Variants in FBXO25 observed in about 807,000 individuals in gnomAD.
FBXO25 encodes the protein F-box protein 25, also known as F-box only protein 25.
In FBXO25, 45 loss-of-function variants were observed where a neutral mutation model predicts 51.9. The ratio of observed to expected loss-of-function variants is 0.87; its 90% CI spans 0.68 to 1.11. The LOEUF is 1.11. Among genes scored for constraint, FBXO25 ranks in the 50% most tolerant of loss-of-function variants. FBXO25 has a pLI of 0.00. For synonymous variants in FBXO25, 199 were observed against 151.0 expected (o/e 1.32, Z -2.33); for missense variants, 507 against 428.5 (o/e 1.18, Z -1.62).
At chr8:436,829 A>G (rs1585046688) in intron 5 of FBXO25, among the ~76,000 whole-genome samples, 1 of 152,304 alleles carries the variant, frequency 6.6e-6, no homozygotes, top group East Asian at 1.9e-4. Context: ...TATAGTAGCA[A>G]TTCTTGACCA....
chr8:462,325 G>C (rs549896448), intron 8 of FBXO25, among the ~76,000 whole-genome samples: 9 of 152,016 alleles, frequency 5.9e-5, no homozygotes, highest in Non-Finnish European at 1.3e-4. Context: ...TTTTAAACTG[G>C]GTTATTTGTC....
chr8:467,891 A>C, intron 9 of FBXO25: 1 of 1,523,392 alleles, frequency 6.6e-7, no homozygotes. Flanking sequence ...AGCAGGGCTG[A>C]GTGGCCACTT....
At chr8:448,489 A>C (rs1482163996) in intron 5 of FBXO25, among the ~76,000 whole-genome samples, 2 of 152,226 alleles carry the variant, frequency 1.3e-5, no homozygotes, top group African/African-American at 4.8e-5. Flanking sequence ...CATGAATTTT[A>C]TGTCCAGTCA....
In FBXO25 at chr8:439,573, C is replaced by T. The variant is rs577543646; in HGVS notation, c.381+3866C>T. 5.3e-5 allele frequency among the ~76,000 whole-genome samples: 8 copies of T among 152,312 alleles called. No individual in the cohort carries two copies. In the South Asian group the frequency reaches 1.7e-3, roughly 32 times the overall value. On this transcript the variant is annotated intron_variant, in intron 5 of 9. Coordinates refer to ENST00000350302, the MANE Select transcript of FBXO25 (RefSeq NM_183420.2). ...GGGTACTGTATTTTTAGTTTAGTTT[C>T]TTGCCATCATTTATTTTTATGTTTT...
At chr8:446,088 T>C (rs1278453164) in intron 5 of FBXO25, among the ~76,000 whole-genome samples, 2 of 152,078 alleles carry the variant, frequency 1.3e-5, no homozygotes, top group African/African-American at 2.4e-5. Flanking sequence ...AGTTCAGTCT[T>C]CTGTAATGTA....
At chr8:465,195 C>G (rs944077077) in intron 9 of FBXO25, among the ~76,000 whole-genome samples, 2 of 116,236 alleles carry the variant, frequency 1.7e-5, no homozygotes, top group African/African-American at 5.2e-5. Context: ...GGGAACAGGG[C>G]CCCCCTTCTG....
chr8:448,954 C>T (rs1798902956), intron 5 of FBXO25, among the ~76,000 whole-genome samples: 1 of 152,180 alleles, frequency 6.6e-6, no homozygotes, highest in Non-Finnish European at 1.5e-5. Context: ...TTCTAAATTT[C>T]AGAAGAACTA....
chr8:466,968 A>T (rs559224332), intron 9 of FBXO25, among the ~76,000 whole-genome samples: 38 of 152,084 alleles, frequency 2.5e-4, no homozygotes, highest in African/African-American at 9.2e-4. Flanking sequence ...TGGCCTTTTT[A>T]TGTCCTGTTT....
intron 9 of FBXO25, among the ~76,000 whole-genome samples, chr8:464,308 T>A (rs1356983161): frequency 1.3e-5 from 2 of 151,540 alleles, no homozygotes; most frequent in Non-Finnish European, 2.9e-5. Context: ...GGAGTGTGTT[T>A]CCATGGTTTG....
In FBXO25 at chr8:458,479, C is replaced by T; in HGVS notation, c.771C>T (p.Pro257=). ...TCATCACCTTAGGCCAGGTGACCCC[C>T]ACGTTGTATATGCTTAGTGAAGACA... is the stretch of plus-strand genomic sequence containing the variant. ...WDIITLGQVT[P]TLYMLSEDRQ... is the part of the protein sequence containing the mutation. Residue 257 remains proline (P), a synonymous_variant, in exon 8 of 10, where the codon CCC becomes CCT. Transcript: ENST00000350302. 1.9e-6 allele frequency: 3 copies of T among 1,614,170 alleles called. No homozygotes were observed. The highest frequency in any genetic ancestry group is 2.5e-6 in the Non-Finnish European group (3 of 1,180,036).
At chr8:439,450 A>G (rs880926) in intron 5 of FBXO25, among the ~76,000 whole-genome samples, 19,481 of 152,262 alleles carry the variant, frequency 0.13, 1,326 homozygotes, top group African/African-American at 0.18. Context: ...TAAAGTTTAT[A>G]TATCTAATTT....
intron 2 of FBXO25, among the ~76,000 whole-genome samples, chr8:423,407 A>G (rs1797275860): frequency 6.6e-6 from 1 of 152,164 alleles, no homozygotes; most frequent in African/African-American, 2.4e-5. Context: ...CCTCGTTAGC[A>G]TAGTACCCAA....
At chr8:449,199 C>G (rs1419505620) in intron 5 of FBXO25, among the ~76,000 whole-genome samples, 2 of 152,156 alleles carry the variant, frequency 1.3e-5, no homozygotes, top group African/African-American at 4.8e-5. Context: ...AAAAGATACA[C>G]TAGGGAAAAG....
intron 2 of FBXO25, among the ~76,000 whole-genome samples, chr8:414,856 G>C (rs182065523): frequency 3.3e-5 from 5 of 152,306 alleles, no homozygotes; most frequent in Admixed American, 2.0e-4. Flanking sequence ...TTGCTTTGCA[G>C]TACTGGGATC....
chr8:424,048 T>C (rs1438507608), intron 2 of FBXO25, among the ~76,000 whole-genome samples: 4 of 152,146 alleles, frequency 2.6e-5, no homozygotes, highest in Non-Finnish European at 5.9e-5. Context: ...TATGTGGTAC[T>C]GAGCCGTTTT....
At chr8:420,217 C>T (rs1450441310) in intron 2 of FBXO25, among the ~76,000 whole-genome samples, 1 of 152,166 alleles carries the variant, frequency 6.6e-6, no homozygotes, top group Non-Finnish European at 1.5e-5. Context: ...GGCTGTGCAC[C>T]TTCCTCATAA....
intron 2 of FBXO25, among the ~76,000 whole-genome samples, chr8:431,044 G>A (rs1585035965): frequency 6.6e-6 from 1 of 151,926 alleles, no homozygotes; most frequent in East Asian, 1.9e-4. Context: ...TTTAATAGTT[G>A]TTTTTTAAAA....
At chr8:419,987 A>G (rs1563065449) in intron 2 of FBXO25, among the ~76,000 whole-genome samples, 1 of 152,328 alleles carries the variant, frequency 6.6e-6, no homozygotes, top group East Asian at 1.9e-4. Context: ...AACAACTTGC[A>G]TGGATTGCAG....
rs886071247 is a variant in FBXO25 at position 475,301 on chromosome 8, A to G, written c.*6497A>G. On this transcript the variant is annotated 3_prime_UTR_variant, in exon 10 of 10. Transcript: ENST00000350302. ...TTGCTATTCTGTTCCATTGGTCTAC[A>G]TGACTGTCTTTGTTTCAATACAACA... The G allele has an allele frequency of 1.1e-4, 20 of 185,760 alleles. No individual in the cohort carries two copies. The highest frequency in any genetic ancestry group is 1.4e-4 in the African/African-American group (6 of 41,816). 11.5% of individuals were successfully genotyped at this position (185,760 alleles called of 1,614,324 possible). A position where few individuals can be genotyped will look rare whatever the true frequency, so the allele number is the denominator to read the frequency against.
Sources: gnomAD v4.1 joint callset for allele counts (sites outside exome capture counted in the v4.1 genomes callset) on GRCh38, gnomAD v4.1.1 for gene constraint, MANE v1.5 for transcripts, NCBI Gene and HGNC (gene_info 2026-07-23, HGNC 2026-07-21) for gene names.